The following ULK4 variants were observed in gnomAD, a reference collection of about 807,000 sequenced individuals.
ULK4 encodes inactive serine/threonine-protein kinase ULK4.
Under a neutral mutation model 160.6 loss-of-function variants are expected in ULK4, and 133 were observed. The observed-to-expected ratio is 0.83, with a 90% CI of 0.72 to 0.96. The LOEUF is 0.96. Among genes scored for constraint, ULK4 ranks in the 40% least tolerant of loss-of-function variants. The pLI is 0.00. For missense variants in ULK4, 1,580 were observed against 1,499.5 expected (o/e 1.05, Z -0.89); for synonymous variants, 534 against 539.8 (o/e 0.99, Z 0.15).
chr3:41,757,960 T>A (rs1368277686), intron 21 of ULK4, among the ~76,000 whole-genome samples: 1 of 152,194 alleles, frequency 6.6e-6, no homozygotes, highest in Non-Finnish European at 1.5e-5. Context: ...ATGGGCTGAA[T>A]GTTTTTGCCT....
chr3:41,958,372 A>C (rs1700552018), intron 1 of ULK4, among the ~76,000 whole-genome samples: 2 of 152,140 alleles, frequency 1.3e-5, no homozygotes, highest in Admixed American at 6.6e-5. Context: ...TTTACAATTA[A>C]AAATTTTTTA....
At chr3:41,798,218 A>G (rs1242300987) in intron 20 of ULK4, among the ~76,000 whole-genome samples, 4 of 152,220 alleles carry the variant, frequency 2.6e-5, no homozygotes, top group Non-Finnish European at 4.4e-5. Context: ...TATAAGGATG[A>G]AAATCTGTAT....
intron 16 of ULK4, among the ~76,000 whole-genome samples, chr3:41,891,503 A>C (rs2148781015): frequency 6.6e-6 from 1 of 151,828 alleles, no homozygotes; most frequent in East Asian, 1.9e-4. Context: ...AAAAAAAGGT[A>C]AGGTTTACCC....
At chr3:41,318,023 A>G (rs2080178297) in intron 35 of ULK4, among the ~76,000 whole-genome samples, 1 of 152,200 alleles carries the variant, frequency 6.6e-6, no homozygotes, top group Non-Finnish European at 1.5e-5. Context: ...TAATCGCTAT[A>G]TCTACCACTG....
intron 34 of ULK4, among the ~76,000 whole-genome samples, chr3:41,414,196 C>G (rs974827409): frequency 6.6e-6 from 1 of 152,092 alleles, no homozygotes; most frequent in Non-Finnish European, 1.5e-5. Flanking sequence ...AGCGAAATTC[C>G]ATCTCAAAAA....
chr3:41,582,355 C>T (rs772540216), intron 31 of ULK4, among the ~76,000 whole-genome samples: 23 of 152,048 alleles, frequency 1.5e-4, no homozygotes, highest in Non-Finnish European at 2.8e-4. Context: ...TTATCAGCAA[C>T]GTGAAAACAG....
At chr3:41,570,567 C>G (rs188432098) in intron 31 of ULK4, among the ~76,000 whole-genome samples, 1 of 152,124 alleles carries the variant, frequency 6.6e-6, no homozygotes, top group Non-Finnish European at 1.5e-5. Flanking sequence ...GTTCAAAGAC[C>G]CATCTGTCAG....
At chr3:41,358,721 A>T (rs2081074369) in intron 35 of ULK4, among the ~76,000 whole-genome samples, 1 of 152,022 alleles carries the variant, frequency 6.6e-6, no homozygotes, top group African/African-American at 2.4e-5. Flanking sequence ...GGTAGTGGAG[A>T]CTGACTGCAG....
In ULK4 at chr3:41,388,690, T is replaced by C. The variant is rs1397295278; in HGVS notation, c.3678+9389A>G. Among the ~76,000 whole-genome samples the C allele has an allele frequency of 7.9e-5, 12 of 152,182 alleles. No homozygotes were observed. The South Asian group carries it at 8.3e-4, about 11-fold the overall frequency. ...GTCAAAGATCAGATAGTTGTAGATA[T>C]GCGGCATTATTTCTGAGGGCTCTGT... On this transcript the variant is annotated intron_variant, in intron 35 of 36. Coordinates refer to ENST00000301831, the MANE Select transcript of ULK4 (RefSeq NM_017886.4).
At chr3:41,762,911 C>T (rs2039037375) in intron 21 of ULK4, among the ~76,000 whole-genome samples, 1 of 152,078 alleles carries the variant, frequency 6.6e-6, no homozygotes, top group Non-Finnish European at 1.5e-5. Flanking sequence ...GATCCACCTG[C>T]CTCAGCCTCC....
chr3:41,959,768 T>C (rs1040464326), intron 1 of ULK4, among the ~76,000 whole-genome samples: 126 of 151,640 alleles, frequency 8.3e-4, no homozygotes, highest in African/African-American at 3.0e-3. Flanking sequence ...AGATCCCGAC[T>C]CTACACAAAT....
chr3:41,950,091 CTTT>C (rs561321352), intron 2 of ULK4, among the ~76,000 whole-genome samples: 1 of 144,442 alleles, frequency 6.9e-6, no homozygotes. Context: ...TTTTATTTTT[CTTT>C]TTTTTTTTTT....
At chr3:41,410,587 A>T (rs1005702631) in intron 34 of ULK4, among the ~76,000 whole-genome samples, 1 of 152,204 alleles carries the variant, frequency 6.6e-6, no homozygotes, top group Non-Finnish European at 1.5e-5. Flanking sequence ...CTGGAATTAG[A>T]TAATGGTTGC....
rs189896399 is a variant in ULK4 at position 41,615,864 on chromosome 3, C to T, written c.3072-147G>A. The T allele has an allele frequency of 2.5e-5, 19 of 748,794 alleles. No individual in the cohort carries two copies. The East Asian group carries it at 5.0e-4, about 20-fold the overall frequency. 46.4% of individuals were successfully genotyped at this position (748,794 alleles called of 1,614,324 possible). A position where few individuals can be genotyped will look rare whatever the true frequency, so the allele number is the denominator to read the frequency against. ...ATGATTAAACATTCTTTTTAAGACA[C>T]TGAACTATAGCTATTAAACAAGAAA... On this transcript the variant is annotated intron_variant, in intron 30 of 36. Coordinates refer to ENST00000301831, the MANE Select transcript of ULK4 (RefSeq NM_017886.4).
At chr3:41,738,729 C>T (rs1251279117) in intron 22 of ULK4, among the ~76,000 whole-genome samples, 1 of 151,790 alleles carries the variant, frequency 6.6e-6, no homozygotes, top group Non-Finnish European at 1.5e-5. Flanking sequence ...TTGACTGTAA[C>T]CAAAAAAAGA....
At chr3:41,858,434 G>A (rs914355906) in intron 17 of ULK4, among the ~76,000 whole-genome samples, 3 of 151,394 alleles carry the variant, frequency 2.0e-5, no homozygotes, top group South Asian at 2.1e-4. Context: ...TTACAGGCAT[G>A]AGCCACCATG....
chr3:41,604,381 A>T (rs2032266137), intron 31 of ULK4, among the ~76,000 whole-genome samples: 1 of 152,162 alleles, frequency 6.6e-6, no homozygotes, highest in Non-Finnish European at 1.5e-5. Flanking sequence ...GAAGTGGTAT[A>T]AAGTACATTC....
chr3:41,898,925 A>G (rs569779244), intron 13 of ULK4, among the ~76,000 whole-genome samples: 1 of 152,370 alleles, frequency 6.6e-6, no homozygotes, highest in East Asian at 1.9e-4. Flanking sequence ...ACATTCGATA[A>G]ACAACAAAAT....
Position 41,292,559 on chromosome 3 carries a change from A to C in ULK4, c.3679-42985T>G, listed in dbSNP as rs545577590. 2.4e-4 allele frequency among the ~76,000 whole-genome samples: 36 copies of C among 149,160 alleles called. No individual in the cohort carries two copies. In the South Asian group the frequency reaches 7.5e-3, roughly 31 times the overall value. ...TACTCGGGAGGCTGAGGTAGGGAGA[A>C]CTGCTTGAACCCGGGAGGCAGCAGT... On this transcript the variant is annotated intron_variant, in intron 35 of 36. Transcript: ENST00000301831.
Sources: allele counts gnomAD v4.1 joint callset (sites outside exome capture counted in the v4.1 genomes callset), GRCh38; gene constraint gnomAD v4.1.1; transcripts MANE v1.5; gene names NCBI Gene and HGNC (gene_info 2026-07-23, HGNC 2026-07-21).